Variants in TMC3 observed in about 807,000 individuals in gnomAD.
The protein encoded by TMC3 is transmembrane channel like 3.
In TMC3, 98 loss-of-function variants were observed where a neutral mutation model predicts 110.6. That is an observed-to-expected ratio of 0.89 (90% CI 0.75 to 1.05). The LOEUF (loss-of-function observed/expected upper bound fraction) is 1.05. TMC3 is among the 50% of genes least tolerant of loss of function. TMC3 has a pLI of 0.00. For missense variants in TMC3, 1,319 were observed against 1,373.2 expected (o/e 0.96, Z 0.62); for synonymous variants, 489 against 513.1 (o/e 0.95, Z 0.63).
At chr15:81,372,391 CACACACACACACACACA>C (rs1894455876) in intron 2 of TMC3, among the ~76,000 whole-genome samples, 183 bp downstream of exon 2, 1 of 140,024 alleles carries the variant, frequency 7.1e-6, no homozygotes, top group Non-Finnish European at 1.5e-5. Context: ...CACACACACA[CACACACACACACACACA>C]GAGGAACTGG....
intron 2 of TMC3, among the ~76,000 whole-genome samples, chr15:81,370,694 T>C (rs1894415011): frequency 6.6e-6 from 1 of 151,792 alleles, no homozygotes; most frequent in African/African-American, 2.4e-5. Flanking sequence ...TTTTTTTTTT[T>C]TTGAGACAGA....
chr15:81,336,526 C>A, intron 20 of TMC3, 83 bp downstream of exon 20: 1 of 1,344,062 alleles, frequency 7.4e-7, no homozygotes, highest in Admixed American at 1.7e-5. Context: ...CGAGATCACA[C>A]CACTGCACTC....
intron 2 of TMC3, among the ~76,000 whole-genome samples, chr15:81,369,119 G>A (rs1216213532): frequency 6.6e-6 from 1 of 151,894 alleles, no homozygotes; most frequent in African/African-American, 2.4e-5. Flanking sequence ...GTTCAGTGTT[G>A]AAAAACTTAG....
chr15:81,367,272 A>G (rs1894335637), intron 3 of TMC3, among the ~76,000 whole-genome samples: 1 of 151,956 alleles, frequency 6.6e-6, no homozygotes, highest in East Asian at 1.9e-4. Flanking sequence ...ACCATTAAAT[A>G]TAAAAACTAT....
Position 81,332,914 on chromosome 15 carries a change from A to T in TMC3, c.2808T>A (p.Pro936=). Residue 936 remains proline (P), a synonymous_variant, in exon 22 of 22, where the codon CCT becomes CCA. Coordinates refer to ENST00000359440, the MANE Select transcript of TMC3 (RefSeq NM_001080532.3). The part of the protein sequence containing the change: ...RQYASRVPRQ[P]PSPQLSEEEE... ...CTTCTTCACTCAGCTGTGGGGAGGG[A>T]GGCTGGCGGGGGACCCGGGATGCAT... is the stretch of plus-strand genomic sequence containing the variant. 1 of 1,612,896 alleles carries T rather than the reference A, an allele frequency of 6.2e-7. No individual in the cohort carries two copies. Among genetic ancestry groups the T allele is most frequent in the Non-Finnish European group, 8.5e-7 (1 of 1,179,752 alleles).
rs1893895535 is a variant in TMC3 at position 81,349,483 on chromosome 15, T to C, written c.1168A>G (p.Thr390Ala). ...CTTGCAAGCTGGAAGCGCAGCGTGG[T>C]CCTGGGGTGGTACATCTCTAAGGCA... ...IAALEMYHPR[T>A]TLRFQLARVL... Residue 390 changes from threonine to alanine, a missense_variant, in exon 11 of 22, where the codon ACC (threonine) becomes GCC (alanine). By Grantham distance (58) the Thr-to-Ala change is moderately conservative. Coordinates refer to ENST00000359440, the MANE Select transcript of TMC3 (RefSeq NM_001080532.3). 2.6e-6 allele frequency: 4 copies of C among 1,550,098 alleles called. No individual in the cohort carries two copies. Among genetic ancestry groups the C allele is most frequent in the South Asian group, 1.2e-5 (1 of 81,776 alleles).
chr15:81,339,590 CG>C (rs1893670381), intron 16 of TMC3, 86 bp from the exon 17 acceptor site: 2 of 1,040,126 alleles, frequency 1.9e-6, no homozygotes, highest in Non-Finnish European at 2.9e-6. Context: ...GCCACAGAAA[CG>C]GTTGCCCTGA....
chr15:81,350,167 C>T (rs1397725744), intron 10 of TMC3, among the ~76,000 whole-genome samples: 1 of 151,918 alleles, frequency 6.6e-6, no homozygotes, highest in Non-Finnish European at 1.5e-5. Flanking sequence ...CCCAGAAGTT[C>T]AAGGCTGCTG....
Position 81,351,703 on chromosome 15 carries a change from T to C in TMC3, c.1074A>G (p.Glu358=). 2 of 1,554,374 alleles carry C rather than the reference T, an allele frequency of 1.3e-6. No individual in the cohort carries two copies. The highest frequency in any genetic ancestry group is 2.4e-5 in the South Asian group (2 of 84,140). ...EQSKKELTLW[E]KNEVSVVVSL... is the part of the protein sequence containing the mutation. ...TAATGGCAGTGGGTACCTCATTCTT[T>C]TCCCAAAGTGTCAGCTCCTTCTTCG... is the stretch of plus-strand genomic sequence containing the variant. The change falls in exon 10 of 22, where the codon GAA becomes GAG. Residue 358 remains glutamate, a synonymous_variant. Transcript: ENST00000359440.
At chr15:81,351,433 G>T (rs1471755369) in intron 10 of TMC3, among the ~76,000 whole-genome samples, 6 of 144,848 alleles carry the variant, frequency 4.1e-5, no homozygotes, top group Non-Finnish European at 8.9e-5. Context: ...GCTCACTCTA[G>T]CCTCCGTCGC....
chr15:81,353,698 G>A (rs1388648728), intron 9 of TMC3, among the ~76,000 whole-genome samples: 2 of 152,190 alleles, frequency 1.3e-5, no homozygotes, highest in African/African-American at 4.8e-5. Context: ...CTCTGTGTAA[G>A]TACATGCTAT....
chr15:81,369,303 C>G (rs1375654316), intron 2 of TMC3, among the ~76,000 whole-genome samples: 1 of 152,014 alleles, frequency 6.6e-6, no homozygotes, highest in African/African-American at 2.4e-5. Flanking sequence ...AAAACGTTAC[C>G]TAACCAGAGT....
intron 16 of TMC3, among the ~76,000 whole-genome samples, chr15:81,340,016 G>T (rs905128804): frequency 6.6e-6 from 1 of 152,136 alleles, no homozygotes; most frequent in African/African-American, 2.4e-5. Flanking sequence ...GGCTGCCCAG[G>T]GTATGTGTTC....
intron 15 of TMC3, 163 bp downstream of exon 15, chr15:81,343,115 A>G (rs1405785238): frequency 2.7e-5 from 13 of 487,972 alleles, no homozygotes; most frequent in Admixed American, 1.7e-4. Flanking sequence ...TTCTTAGGAA[A>G]CCATTAATAA....
intron 10 of TMC3, among the ~76,000 whole-genome samples, chr15:81,350,027 G>T (rs1893912569): frequency 6.8e-6 from 1 of 146,856 alleles, no homozygotes; most frequent in Non-Finnish European, 1.5e-5. Context: ...CAAGAGAATT[G>T]CTTGAGGCCA....
chr15:81,367,316 A>C (rs1470545855), intron 3 of TMC3, among the ~76,000 whole-genome samples: 4 of 152,190 alleles, frequency 2.6e-5, no homozygotes. Flanking sequence ...TAATGGTGTT[A>C]TGTGAAAAAA....
At chr15:81,355,189 A>C (rs1415809766) in intron 9 of TMC3, among the ~76,000 whole-genome samples, 1 of 152,172 alleles carries the variant, frequency 6.6e-6, no homozygotes, top group Non-Finnish European at 1.5e-5. Flanking sequence ...CTAAATAACC[A>C]GTAAGGATGT....
At position 81,356,506 on chromosome 15, in the gene TMC3, G is replaced by A. The variant is rs2141714603; in HGVS notation, c.832C>T (p.Leu278Phe). 9 of 1,570,718 alleles carry A rather than the reference G, an allele frequency of 5.7e-6. No homozygotes were observed. Among genetic ancestry groups the A allele is most frequent in the Non-Finnish European group, 7.8e-6 (9 of 1,157,246 alleles). The change falls in exon 8 of 22, where the codon CTC becomes TTC. Residue 278 changes from leucine to phenylalanine, a missense_variant. Physicochemically the swap from Leu to Phe is conservative, Grantham distance 22. Transcript: ENST00000359440. The part of the protein sequence containing the change: ...CWRVFCAWDY[L>F]IGNPEAAESK... ...TCTGCAGCCTCTGGGTTTCCAATGA[G>A]GTAATCCCAGGCACAGAACACCCGC...
chr15:81,357,299 T>G (rs79960219), intron 7 of TMC3, among the ~76,000 whole-genome samples: 15,888 of 151,802 alleles, frequency 0.1, 878 homozygotes, highest in East Asian at 0.22. Flanking sequence ...TGTTTATTTG[T>G]TTATTGTCTT....
Sources: allele counts gnomAD v4.1 joint callset (sites outside exome capture counted in the v4.1 genomes callset), GRCh38; gene constraint gnomAD v4.1.1; transcripts MANE v1.5; gene names NCBI Gene and HGNC (gene_info 2026-07-23, HGNC 2026-07-21).